POLK: variants seen among roughly 807,000 people sequenced by gnomAD.
POLK encodes DNA polymerase kappa.
Under a neutral mutation model 94.0 loss-of-function variants are expected in POLK, and 76 were observed. That is an observed-to-expected ratio of 0.81 (90% CI 0.67 to 0.98). The LOEUF (loss-of-function observed/expected upper bound fraction) is 0.98. Ranked by LOEUF, POLK falls within the 50% of genes least tolerant of loss-of-function variation. The pLI is 0.00. For missense variants in POLK, 954 were observed against 1,010.1 expected (o/e 0.94, Z 0.75); for synonymous variants, 349 against 325.4 (o/e 1.07, Z -0.78).
At chr5:75,517,913 G>C (rs1478141790) in intron 1 of POLK, among the ~76,000 whole-genome samples, 1 of 152,120 alleles carries the variant, frequency 6.6e-6, no homozygotes, top group Non-Finnish European at 1.5e-5. Context: ...TTTGGTTCTT[G>C]ATTCTGTTAA....
intron 1 of POLK, among the ~76,000 whole-genome samples, chr5:75,513,504 G>A (rs918926418): frequency 2.6e-5 from 4 of 152,108 alleles, no homozygotes; most frequent in East Asian, 1.9e-4. Context: ...TCTAACATTC[G>A]AGAATAAGAC....
At chr5:75,534,334 C>A (rs1377408644) in intron 1 of POLK, among the ~76,000 whole-genome samples, 1 of 151,238 alleles carries the variant, frequency 6.6e-6, no homozygotes, top group East Asian at 1.9e-4. Context: ...ATATTGTCTG[C>A]AAACAGGGAT....
At chr5:75,511,999 C>T (rs1010565585) in intron 1 of POLK, 85 bp downstream of exon 1, 2 of 578,126 alleles carry the variant, frequency 3.5e-6, no homozygotes, top group Admixed American at 3.3e-5. Flanking sequence ...GCGTGACCAG[C>T]CCCTCGGCCT....
intron 6 of POLK, among the ~76,000 whole-genome samples, chr5:75,578,025 C>T: frequency 6.6e-6 from 1 of 152,210 alleles, no homozygotes; most frequent in South Asian, 2.1e-4. Context: ...CTTACTTTCA[C>T]AAGAGAATGG....
At chr5:75,526,486 T>G (rs1341983217) in intron 1 of POLK, among the ~76,000 whole-genome samples, 1 of 151,950 alleles carries the variant, frequency 6.6e-6, no homozygotes, top group Non-Finnish European at 1.5e-5. Context: ...TTTGTTTGTC[T>G]CCTTATTTCT....
At chr5:75,600,673 A>T (rs184448594) in exon 15 of POLK, 1 of 152,208 alleles carries the variant, frequency 6.6e-6, no homozygotes, top group African/African-American at 2.4e-5. Flanking sequence ...AGAATGGTTA[A>T]ATTGTACCAT....
intron 2 of POLK, among the ~76,000 whole-genome samples, chr5:75,550,971 C>T (rs1182400908): frequency 1.3e-5 from 2 of 151,948 alleles, no homozygotes; most frequent in African/African-American, 4.8e-5. Context: ...CCTGTAATCC[C>T]AGCACTTTGG....
chr5:75,592,175 T>G (rs1772824874), intron 11 of POLK, among the ~76,000 whole-genome samples: 1 of 152,216 alleles, frequency 6.6e-6, no homozygotes, highest in Non-Finnish European at 1.5e-5. Flanking sequence ...TTGTCTCCAC[T>G]GAAACCCTGC....
At chr5:75,579,039 C>A (rs1772061113) in intron 6 of POLK, among the ~76,000 whole-genome samples, 1 of 152,104 alleles carries the variant, frequency 6.6e-6, no homozygotes, top group Non-Finnish European at 1.5e-5. Flanking sequence ...CACAGCCAGG[C>A]CTCACAAAAA....
chr5:75,569,513 A>G, intron 4 of POLK, 21 bp downstream of exon 4: 1 of 1,590,568 alleles, frequency 6.3e-7, no homozygotes, highest in Non-Finnish European at 8.6e-7. Context: ...ATCAAATACA[A>G]AAAGGAAATT....
intron 1 of POLK, chr5:75,538,770 T>TTTA (rs1561348291): frequency 6.6e-6 from 1 of 152,034 alleles, no homozygotes; most frequent in Non-Finnish European, 1.5e-5. Context: ...TTTATTTTTT[T>TTTA]TTTATTTATT....
intron 2 of POLK, among the ~76,000 whole-genome samples, chr5:75,548,305 A>G (rs1770154999): frequency 6.6e-6 from 1 of 151,928 alleles, no homozygotes; most frequent in Admixed American, 6.6e-5. Flanking sequence ...CACATTCAAT[A>G]ATTAGTTATC....
chr5:75,522,484 C>T (rs1408234185), intron 1 of POLK, among the ~76,000 whole-genome samples: 1 of 152,078 alleles, frequency 6.6e-6, no homozygotes, highest in African/African-American at 2.4e-5. Flanking sequence ...AAACCGGTTT[C>T]AGAACTCTTA....
chr5:75,579,031 C>G (rs1772060583), intron 6 of POLK, among the ~76,000 whole-genome samples: 1 of 152,194 alleles, frequency 6.6e-6, no homozygotes, highest in South Asian at 2.1e-4. Context: ...CTTAGTTACA[C>G]AGCCAGGCCT....
intron 5 of POLK, among the ~76,000 whole-genome samples, chr5:75,575,556 C>G (rs1024264202): frequency 6.6e-6 from 1 of 152,158 alleles, no homozygotes; most frequent in Non-Finnish European, 1.5e-5. Flanking sequence ...TTAATTCTTA[C>G]AGCAATATCC....
chr5:75,581,441 C>T (rs3213801), exon 7 of POLK: 361,835 of 1,610,014 alleles, frequency 0.22, 43,187 homozygotes, highest in South Asian at 0.39. Flanking sequence ...CACTGACAGC[C>T]AGTGCAGGTA....
chr5:75,604,000 T>TG (rs1773360039), downstream of POLK, among the ~76,000 whole-genome samples: 3 of 152,228 alleles, frequency 2.0e-5, no homozygotes, highest in Non-Finnish European at 4.4e-5. Context: ...TATCTCTGAA[T>TG]TCCAAGTATG....
At chr5:75,552,844 A>G (rs1349414384) in intron 3 of POLK, among the ~76,000 whole-genome samples, 1 of 152,188 alleles carries the variant, frequency 6.6e-6, no homozygotes, top group African/African-American at 2.4e-5. Context: ...AAGTTGAGTA[A>G]CTTGCCCAGC....
chr5:75,546,628 C>G (rs900787969), intron 1 of POLK, among the ~76,000 whole-genome samples: 1 of 117,428 alleles, frequency 8.5e-6, no homozygotes. Context: ...CCCCACCCCC[C>G]ACCCCCACAA....
Sources: gnomAD v4.1 joint callset for allele counts (sites outside exome capture counted in the v4.1 genomes callset) on GRCh38, gnomAD v4.1.1 for gene constraint, MANE v1.5 for transcripts, NCBI Gene and HGNC (gene_info 2026-07-23, HGNC 2026-07-21) for gene names.